The following CEP83 variants were observed in gnomAD, a reference collection of about 807,000 sequenced individuals.
CEP83 encodes centrosomal protein of 83 kDa.
In CEP83, 70 loss-of-function variants were observed where a neutral mutation model predicts 101.9. That is an observed-to-expected ratio of 0.69 (90% CI 0.57 to 0.84). The LOEUF (loss-of-function observed/expected upper bound fraction) is 0.84. CEP83 is among the 40% of genes least tolerant of loss of function. CEP83 has a pLI of 0.00. For synonymous variants in CEP83, 264 were observed against 267.9 expected, an observed-to-expected ratio of 0.99 and a Z score of 0.14; for missense variants, 715 against 787.2, an observed-to-expected ratio of 0.91 and a Z score of 1.10.
At chr12:94,305,229 C>T, downstream of CEP83, 1 of 1,611,534 alleles carries the variant, frequency 6.2e-7, no homozygotes, top group Non-Finnish European at 8.5e-7. Context: ...AGCTCAGAAA[C>T]AACTCTTGCA....
chr12:94,436,384 TA>T (rs943918335), intron 1 of CEP83, among the ~76,000 whole-genome samples: 1 of 150,220 alleles, frequency 6.7e-6, no homozygotes, highest in African/African-American at 2.4e-5. Context: ...ATATACATCA[TA>T]AAAAAAAGAC....
At chr12:94,295,327 G>A in the CEP83 span, among the ~76,000 whole-genome samples, 1 of 152,206 alleles carries the variant, frequency 6.6e-6, no homozygotes, top group Non-Finnish European at 1.5e-5. Context: ...GACTCCTTTG[G>A]GGAAACCCAC....
chr12:94,320,504 C>A (rs563854854), intron 14 of CEP83, among the ~76,000 whole-genome samples: 64 of 151,950 alleles, frequency 4.2e-4, no homozygotes, highest in African/African-American at 1.4e-3. Flanking sequence ...TGCTCTCTCT[C>A]AGCAGAATCA....
At chr12:94,408,114 C>T (rs912332594) in intron 4 of CEP83, 1 of 152,224 alleles carries the variant, frequency 6.6e-6, no homozygotes, top group Non-Finnish European at 1.5e-5. Flanking sequence ...CTGCACCCAG[C>T]AGTGTCTTAG....
At chr12:94,347,685 A>G (rs1240509585) in intron 11 of CEP83, among the ~76,000 whole-genome samples, 1 of 152,212 alleles carries the variant, frequency 6.6e-6, no homozygotes, top group African/African-American at 2.4e-5. Flanking sequence ...AGAATAAATA[A>G]ATCATATTAC....
chr12:94,439,556 CAA>C (rs989596200), intron 1 of CEP83, among the ~76,000 whole-genome samples: 3 of 131,200 alleles, frequency 2.3e-5, no homozygotes, highest in Admixed American at 7.6e-5. Context: ...AAAATGCCAA[CAA>C]AAAAAAAAAA....
intron 11 of CEP83, among the ~76,000 whole-genome samples, chr12:94,356,829 G>A (rs183995537): frequency 6.6e-6 from 1 of 152,220 alleles, no homozygotes; most frequent in African/African-American, 2.4e-5. Flanking sequence ...GCTTCCATTT[G>A]GGCTGCTCGC....
intron 11 of CEP83, among the ~76,000 whole-genome samples, chr12:94,354,482 G>A (rs1034423237): frequency 1.3e-5 from 2 of 152,002 alleles, no homozygotes; most frequent in African/African-American, 4.8e-5. Flanking sequence ...CACCATGCTT[G>A]GCCAGAATAT....
chr12:94,331,004 T>C (rs2059174257), intron 14 of CEP83, among the ~76,000 whole-genome samples: 1 of 152,080 alleles, frequency 6.6e-6, no homozygotes, highest in South Asian at 2.1e-4. Flanking sequence ...TATAAGAGTT[T>C]ATTAGGATGG....
At chr12:94,279,898 G>A in the CEP83 span, 9 of 641,348 alleles carry the variant, frequency 1.4e-5, no homozygotes, top group South Asian at 4.7e-5. Context: ...TAAATATTAC[G>A]TCTGTAAATC....
At chr12:94,360,691 C>G (rs925223725) in intron 11 of CEP83, among the ~76,000 whole-genome samples, 1 of 151,778 alleles carries the variant, frequency 6.6e-6, no homozygotes, top group Non-Finnish European at 1.5e-5. Flanking sequence ...AAGTGATCTA[C>G]AGTCAATGCA....
At chr12:94,358,765 A>G (rs1287308254) in intron 11 of CEP83, among the ~76,000 whole-genome samples, 2 of 152,246 alleles carry the variant, frequency 1.3e-5, no homozygotes, top group Non-Finnish European at 2.9e-5. Flanking sequence ...GTAGCTCACC[A>G]TGACAAAGCT....
the CEP83 span, among the ~76,000 whole-genome samples, chr12:94,293,146 A>G: frequency 6.6e-6 from 1 of 152,124 alleles, no homozygotes; most frequent in Non-Finnish European, 1.5e-5. Flanking sequence ...TGTAAGATTT[A>G]CCCATGTGGC....
chr12:94,277,060 A>G, the CEP83 span: 10 of 121,240 alleles, frequency 8.2e-5, no homozygotes, highest in Admixed American at 7.1e-4. Flanking sequence ...TCAGCTCTTT[A>G]TAAACACCAT....
intron 15 of CEP83, among the ~76,000 whole-genome samples, chr12:94,311,470 T>TG (rs1969850707): frequency 1.3e-5 from 2 of 152,172 alleles, no homozygotes; most frequent in Admixed American, 6.5e-5. Flanking sequence ...CATTCTGAAG[T>TG]GGGGGGCAGT....
Position 94,367,914 on chromosome 12 carries a change from A to G in CEP83, c.1223T>C (p.Leu408Ser), listed in dbSNP as rs1325863403. The G allele has an allele frequency of 1.2e-6, 2 of 1,613,584 alleles. No individual in the cohort carries two copies. Among genetic ancestry groups the G allele is most frequent in the Admixed American group, 1.7e-5 (1 of 59,976 alleles). The change falls in exon 11 of 17, where the codon TTG (leucine) becomes TCG (serine). Residue 408 changes from leucine (L) to serine (S), a missense_variant. By Grantham distance (145) the Leu-to-Ser change is moderately radical (BLOSUM62 -2). Transcript: ENST00000397809. Reference sequence around the variant, plus strand: ...ATCATGTTCCACTTTCATTTTCTCCAAATCTGCTAATCTGTTCTCGAGTTC... The same window carrying G: ...ATCATGTTCCACTTTCATTTTCTCCGAATCTGCTAATCTGTTCTCGAGTTC... Reference protein sequence around the residue: ...KLELENRLADLEKMKVEHDVW... With the variant: ...KLELENRLADSEKMKVEHDVW...
downstream of CEP83, chr12:94,305,309 T>A: frequency 6.8e-7 from 1 of 1,473,892 alleles, no homozygotes; most frequent in Non-Finnish European, 9.4e-7. Flanking sequence ...TGGCTTAATC[T>A]GGCAAAGTTC....
At chr12:94,285,349 G>A in the CEP83 span, among the ~76,000 whole-genome samples, 1 of 152,240 alleles carries the variant, frequency 6.6e-6, no homozygotes, top group African/African-American at 2.4e-5. Flanking sequence ...GCCAGGGACA[G>A]AGAACACCCA....
chr12:94,303,822 T>TA (rs776396484), downstream of CEP83: 1 of 1,611,850 alleles, frequency 6.2e-7, no homozygotes, highest in South Asian at 1.1e-5. Flanking sequence ...AGTAAAATCT[T>TA]ATTACAAAGC....
Sources: allele counts gnomAD v4.1 joint callset (sites outside exome capture counted in the v4.1 genomes callset), GRCh38; gene constraint gnomAD v4.1.1; transcripts MANE v1.5; gene names NCBI Gene and HGNC (gene_info 2026-07-23, HGNC 2026-07-21).